Variants in HDAC8 observed in about 807,000 individuals in gnomAD.
The protein encoded by HDAC8 is histone deacetylase-like 1.
In HDAC8, 1 loss-of-function variant was observed where a neutral mutation model predicts 32.2. The ratio of observed to expected loss-of-function variants is 0.03; its 90% CI spans 0.01 to 0.15. HDAC8 has a LOEUF of 0.15. Among genes scored for constraint, HDAC8 ranks in the 10% least tolerant of loss-of-function variants. HDAC8 has a pLI of 1.00. For synonymous variants in HDAC8, 108 were observed against 113.9 expected, an observed-to-expected ratio of 0.95 and a Z score of 0.33; for missense variants, 117 against 300.0, an observed-to-expected ratio of 0.39 and a Z score of 4.51.
chrX:72,439,961 G>C (rs1392262247), intron 9 of HDAC8, among the ~76,000 whole-genome samples: 2 of 111,668 alleles, frequency 1.8e-5, no homozygotes, highest in African/African-American at 3.3e-5. Context: ...ACTCAACTCT[G>C]GACCAAGTGG....
chrX:72,526,498 G>T (rs782371484), intron 4 of HDAC8, among the ~76,000 whole-genome samples: 5 of 111,071 alleles, frequency 4.5e-5, no homozygotes, highest in Non-Finnish European at 9.4e-5. Context: ...GCTCTCAGTG[G>T]GTGGAAACTG....
At chrX:72,385,696 G>A (rs781902210) in intron 9 of HDAC8, among the ~76,000 whole-genome samples, 1 of 111,593 alleles carries the variant, frequency 9.0e-6, no homozygotes, top group African/African-American at 3.3e-5. Context: ...GTTTTGCTCA[G>A]TAGCCTACCT....
At chrX:72,418,171 T>C (rs782766636) in intron 9 of HDAC8, among the ~76,000 whole-genome samples, 1 of 111,480 alleles carries the variant, frequency 9.0e-6, no homozygotes, top group South Asian at 3.7e-4. Context: ...ATGACAAAGA[T>C]GCCAAAAGCA....
At chrX:72,489,548 T>G (rs1043194440) in intron 6 of HDAC8, among the ~76,000 whole-genome samples, 2 of 110,913 alleles carry the variant, frequency 1.8e-5, no homozygotes, top group Non-Finnish European at 3.8e-5. Flanking sequence ...TGGCTAGCCA[T>G]ATGTAGAAAG....
At chrX:72,459,469 G>A (rs1602956585) in intron 9 of HDAC8, among the ~76,000 whole-genome samples, 1 of 110,671 alleles carries the variant, frequency 9.0e-6, no homozygotes, top group African/African-American at 3.3e-5. Flanking sequence ...AAGACTGAGA[G>A]CGAAGAGAGT....
chrX:72,374,488 A>G (rs1367909982), intron 9 of HDAC8, among the ~76,000 whole-genome samples: 1 of 110,227 alleles, frequency 9.1e-6, no homozygotes, highest in Non-Finnish European at 1.9e-5. Context: ...CCTGGGCAAC[A>G]TGGTGAAACC....
At chrX:72,388,054 T>C (rs189886749) in intron 9 of HDAC8, among the ~76,000 whole-genome samples, 1 of 110,187 alleles carries the variant, frequency 9.1e-6, no homozygotes, top group Non-Finnish European at 1.9e-5. Flanking sequence ...AGGATATTCC[T>C]AGTAGAAGAA....
At chrX:72,463,773 C>T (rs1050540280) in intron 8 of HDAC8, among the ~76,000 whole-genome samples, 2 of 111,508 alleles carry the variant, frequency 1.8e-5, no homozygotes, top group African/African-American at 3.3e-5. Flanking sequence ...AACAGGTTGA[C>T]AAAACAACCA....
intron 9 of HDAC8, among the ~76,000 whole-genome samples, chrX:72,389,544 C>A (rs1446984825): frequency 1.8e-5 from 2 of 111,616 alleles, no homozygotes; most frequent in Non-Finnish European, 3.8e-5. Flanking sequence ...TCACAGCCAC[C>A]CTGCAAGGTG....
At chrX:72,387,574 C>G (rs1464597621) in intron 9 of HDAC8, among the ~76,000 whole-genome samples, 4 of 111,748 alleles carry the variant, frequency 3.6e-5, no homozygotes, top group Non-Finnish European at 7.5e-5. Context: ...CTGCCTGGGT[C>G]TGAATCCTAG....
chrX:72,468,123 T>G lies in HDAC8; in HGVS notation c.738-3392A>C. On this transcript the variant is annotated intron_variant, in intron 7 of 10. Coordinates refer to ENST00000373573, the MANE Select transcript of HDAC8 (RefSeq NM_018486.3). ...AAGGGCAGCTTACAGAGGGCTGGATTGTGAACACTTTTAAATTCAAGACTG... is the reference window on the plus strand; with the variant it reads ...AAGGGCAGCTTACAGAGGGCTGGATGGTGAACACTTTTAAATTCAAGACTG... The G allele has an allele frequency of 4.8e-6, 4 of 838,547 alleles. No individual in the cohort carries two copies. The South Asian group carries it at 1.3e-4, about 26-fold the overall frequency. The allele number at this position is 838,547 out of a possible 1,213,427, so 69.1% of individuals were successfully genotyped here. A position where few individuals can be genotyped will look rare whatever the true frequency, so the allele number is the denominator to read the frequency against.
chrX:72,346,959 G>C (rs1207702814), intron 10 of HDAC8, among the ~76,000 whole-genome samples: 1 of 111,563 alleles, frequency 9.0e-6, no homozygotes, highest in Non-Finnish European at 1.9e-5. Flanking sequence ...CAGACGGGAT[G>C]ATGAGCAGAT....
intron 9 of HDAC8, among the ~76,000 whole-genome samples, chrX:72,378,850 G>T (rs781930658): frequency 3.4e-4 from 38 of 110,150 alleles, no homozygotes; most frequent in Middle Eastern, 4.7e-3. Context: ...ATTTCAGCCT[G>T]AAGGATTCCC....
At chrX:72,409,426 C>A (rs1602719296) in intron 9 of HDAC8, among the ~76,000 whole-genome samples, 1 of 111,946 alleles carries the variant, frequency 8.9e-6, no homozygotes, top group East Asian at 2.8e-4. Context: ...TACAGGCTCC[C>A]TACTGCTTAT....
At chrX:72,403,945 C>A (rs2045972961) in intron 9 of HDAC8, among the ~76,000 whole-genome samples, 1 of 110,836 alleles carries the variant, frequency 9.0e-6, no homozygotes, top group African/African-American at 3.3e-5. Context: ...ATCCAGGTAA[C>A]AAACCTGCAC....
At chrX:72,438,510 TC>T in intron 9 of HDAC8, among the ~76,000 whole-genome samples, 1 of 110,966 alleles carries the variant, frequency 9.0e-6, no homozygotes. Flanking sequence ...AATAACAAAC[TC>T]CTCCAAGCTA....
chrX:72,530,226 C>T (rs1281999265), intron 4 of HDAC8, among the ~76,000 whole-genome samples: 3 of 111,893 alleles, frequency 2.7e-5, no homozygotes, highest in African/African-American at 6.5e-5. Context: ...GTGCAGTTTA[C>T]TGTCTGCCTA....
At chrX:72,551,967 C>A (rs782158186) in intron 4 of HDAC8, among the ~76,000 whole-genome samples, 29 of 112,136 alleles carry the variant, frequency 2.6e-4, no homozygotes, top group Admixed American at 6.6e-4. Flanking sequence ...AATGGGAAAG[C>A]AAATTCCTAT....
At chrX:72,520,264 T>C (rs2049942760) in intron 4 of HDAC8, among the ~76,000 whole-genome samples, 1 of 112,230 alleles carries the variant, frequency 8.9e-6, no homozygotes, top group African/African-American at 3.2e-5. Context: ...CATTTTGAGT[T>C]AATTTTTGTT....
Sources: allele counts gnomAD v4.1 joint callset (sites outside exome capture counted in the v4.1 genomes callset), GRCh38; gene constraint gnomAD v4.1.1; transcripts MANE v1.5; gene names NCBI Gene and HGNC (gene_info 2026-07-23, HGNC 2026-07-21).